Variants in DBH observed in about 807,000 individuals in gnomAD.
DBH encodes dopamine beta-hydroxylase (dopamine beta-monooxygenase).
Under a neutral mutation model 64.0 loss-of-function variants are expected in DBH, and 49 were observed. That is an observed-to-expected ratio of 0.77 (90% CI 0.61 to 0.97). DBH has a LOEUF of 0.97. Among genes scored for constraint, DBH ranks in the 50% least tolerant of loss-of-function variants. The pLI, the probability that DBH is intolerant of heterozygous loss-of-function variation, is 0.00. For missense variants in DBH, 828 were observed against 826.6 expected (o/e 1.00, Z -0.02); for synonymous variants, 343 against 347.1 (o/e 0.99, Z 0.13).
chr9:133,636,780 C>T (rs1832058881), intron 1 of DBH, 70 bp downstream of exon 1: 4 of 1,387,486 alleles, frequency 2.9e-6, no homozygotes, highest in Admixed American at 1.9e-5. Flanking sequence ...CGTCTTTCTG[C>T]ACTCACCCTC....
At position 133,644,211 on chromosome 9, in the gene DBH, C is replaced by G; in HGVS notation, c.922-7C>G. 3.1e-6 allele frequency: 5 copies of G among 1,610,932 alleles called. No homozygotes were observed. Among genetic ancestry groups the G allele is most frequent in the Non-Finnish European group, 4.2e-6 (5 of 1,177,052 alleles). The stretch of plus-strand genomic sequence containing the variant: ...CACCCGTCTGTCTGACACCTTGCCC[C>G]ACACAGGCATTTTACTACCCAGAGG... On this transcript the variant is annotated splice_region_variant and splice_polypyrimidine_tract_variant and intron_variant, in intron 4 of 11. Transcript: ENST00000393056.
At chr9:133,651,122 GC>G (rs1348597363) in intron 6 of DBH, among the ~76,000 whole-genome samples, 2 of 152,242 alleles carry the variant, frequency 1.3e-5, no homozygotes, top group African/African-American at 4.8e-5. Flanking sequence ...TGCAGCCTTG[GC>G]TGCTTTGAAG....
At chr9:133,642,693 C>T (rs944585868) in intron 3 of DBH, among the ~76,000 whole-genome samples, 1 of 152,210 alleles carries the variant, frequency 6.6e-6, no homozygotes, top group Non-Finnish European at 1.5e-5. Flanking sequence ...CACTTCCCTG[C>T]CTGGACCAAA....
At chr9:133,657,361 G>A in intron 11 of DBH, 132 bp downstream of exon 11, 2 of 1,097,320 alleles carry the variant, frequency 1.8e-6, no homozygotes, top group South Asian at 1.3e-5. Flanking sequence ...GCAAGTGCCA[G>A]GTGGTGACAC....
In DBH at chr9:133,657,185, C is replaced by T. The variant is rs1832334164; in HGVS notation, c.1678C>T (p.Pro560Ser). ...DVLKALYSFA[P>S]ISMHCNKSSA... ...ACTGAAGGCCCTGTACAGCTTCGCG[C>T]CCATCTCCATGCACTGCAACAAGTC... The change falls in exon 11 of 12, where the codon CCC becomes TCC. Residue 560 changes from proline (P) to serine (S), a missense_variant. Pro to Ser is a moderately conservative substitution (Grantham distance 74). Transcript: ENST00000393056. 6.2e-7 allele frequency: 1 copy of T among 1,614,162 alleles called. No individual in the cohort carries two copies. Among genetic ancestry groups the T allele is most frequent in the East Asian group, 2.2e-5 (1 of 44,888 alleles).
chr9:133,646,787 G>A (rs978429983), intron 5 of DBH, among the ~76,000 whole-genome samples: 1 of 152,198 alleles, frequency 6.6e-6, no homozygotes, highest in Non-Finnish European at 1.5e-5. Flanking sequence ...GCCTCCCAAA[G>A]TGCTGGGATT....
intron 7 of DBH, among the ~76,000 whole-genome samples, chr9:133,651,982 C>A (rs2131291618): frequency 6.6e-6 from 1 of 152,272 alleles, no homozygotes; most frequent in East Asian, 1.9e-4. Context: ...TGGCACATGG[C>A]AGATGGTGGT....
At position 133,658,689 on chromosome 9, in the gene DBH, C is replaced by A; in HGVS notation, c.*242C>A. The A allele has an allele frequency of 2.4e-6, 1 of 413,234 alleles. No individual in the cohort carries two copies. The highest frequency in any genetic ancestry group is 3.9e-5 in the East Asian group (1 of 25,466). The allele number at this position is 413,234 out of a possible 1,614,324, so 25.6% of individuals were successfully genotyped here. ...TGGACCGAGTGGACCACGACCTCGT[C>A]CATTTAAACCCGGCTGACTCAGTGC... On this transcript the variant is annotated 3_prime_UTR_variant, in exon 12 of 12. Coordinates refer to ENST00000393056, the MANE Select transcript of DBH (RefSeq NM_000787.4).
chr9:133,642,135 G>A, intron 2 of DBH, 72 bp from the exon 3 acceptor site: 1 of 1,593,332 alleles, frequency 6.3e-7, no homozygotes, highest in Non-Finnish European at 8.5e-7. Flanking sequence ...GGGCAGGGAT[G>A]TGGCATCCTC....
At chr9:133,645,243 T>A (rs1832169407) in intron 5 of DBH, among the ~76,000 whole-genome samples, 1 of 39,942 alleles carries the variant, frequency 2.5e-5, no homozygotes, top group South Asian at 4.3e-4. Flanking sequence ...CGCCTGTGGT[T>A]TTTTTTTTTT....
chr9:133,652,831 C>T, intron 8 of DBH, 109 bp from the exon 9 acceptor site: 1 of 786,704 alleles, frequency 1.3e-6, no homozygotes, highest in Non-Finnish European at 2.3e-6. Flanking sequence ...GGGACTGTAC[C>T]CCAGAGGTGC....
chr9:133,637,951 G>A (rs142409785), intron 1 of DBH, among the ~76,000 whole-genome samples: 65 of 152,348 alleles, frequency 4.3e-4, no homozygotes, highest in Middle Eastern at 3.4e-3. Context: ...ATTCTGAGCC[G>A]TCAGCCGTCT....
In DBH at chr9:133,639,878, C is replaced by T; in HGVS notation, c.372C>T (p.His124=). Residue 124 remains histidine, a synonymous_variant, in exon 2 of 12, where the codon CAC becomes CAT. Coordinates refer to ENST00000393056, the MANE Select transcript of DBH (RefSeq NM_000787.4). The part of the protein sequence containing the change: ...DAWSDQKGQI[H]LDPQQDYQLL... ...GGAGTGACCAGAAGGGGCAGATCCA[C>T]CTGGATCCCCAGCAGGACTACCAGC... is the stretch of plus-strand genomic sequence containing the variant. 1.9e-6 allele frequency: 3 copies of T among 1,612,558 alleles called. No individual in the cohort carries two copies. The highest frequency in any genetic ancestry group is 2.5e-6 in the Non-Finnish European group (3 of 1,179,568).
chr9:133,656,521 A>G lies in DBH; in HGVS notation c.1435-2A>G. ...GGCTGACGGGTCTCCTCCAACTTGC[A>G]GGGGGGCTTCGGGATCCTGGAGGAG... On this transcript the variant is annotated splice_acceptor_variant, in intron 9 of 11. Transcript: ENST00000393056. LOFTEE classifies it high-confidence loss of function. The G allele has an allele frequency of 6.2e-7, 1 of 1,613,758 alleles. No homozygotes were observed. Among genetic ancestry groups the G allele is most frequent in the Non-Finnish European group, 8.5e-7 (1 of 1,179,954 alleles).
chr9:133,643,516 G>A lies in DBH; in HGVS notation c.848G>A (p.Cys283Tyr). 1 of 1,613,572 alleles carries A rather than the reference G, an allele frequency of 6.2e-7. No individual in the cohort carries two copies. The highest frequency in any genetic ancestry group is 1.7e-4 in the Middle Eastern group (1 of 6,058). Residue 283 changes from cysteine to tyrosine, a missense_variant, in exon 4 of 12, where the codon TGC becomes TAC. Coordinates refer to ENST00000393056, the MANE Select transcript of DBH (RefSeq NM_000787.4). This position sits in a 1 kb window ranked among gnomAD's most constrained non-coding sequence, Gnocchi z 5.3. ...AGCGTCCCCCACTTCAGCGGGCCCT[G>A]CGACTCCAAGATGAAACCCGACCGC... The part of the protein sequence containing the change: ...MDSVPHFSGP[C>Y]DSKMKPDRLN...
At chr9:133,637,567 G>A (rs1378896025) in intron 1 of DBH, among the ~76,000 whole-genome samples, 2 of 152,238 alleles carry the variant, frequency 1.3e-5, no homozygotes, top group South Asian at 2.1e-4. Context: ...GTCAGGAGGT[G>A]CCTGCTTTAT....
chr9:133,648,335 A>T (rs3025413), intron 6 of DBH, among the ~76,000 whole-genome samples: 10,528 of 152,284 alleles, frequency 0.069, 747 homozygotes, highest in African/African-American at 0.18. Flanking sequence ...TCACAAGCGC[A>T]GGCACTGCAG....
At chr9:133,655,772 C>CCGGGGGAG (rs1263092484) in intron 9 of DBH, 2 of 152,504 alleles carry the variant, frequency 1.3e-5, no homozygotes, top group Non-Finnish European at 2.9e-5. Flanking sequence ...TGAGCTGCTG[C>CCGGGGGAG]CGGGGGAGCT....
intron 6 of DBH, among the ~76,000 whole-genome samples, chr9:133,648,467 C>A (rs1467086005): frequency 6.6e-6 from 1 of 152,222 alleles, no homozygotes; most frequent in African/African-American, 2.4e-5. Context: ...GTGTTAGAAA[C>A]CTTTTGTGTT....
Sources: gnomAD v4.1 joint callset for allele counts (sites outside exome capture counted in the v4.1 genomes callset) on GRCh38, gnomAD v4.1.1 for gene constraint, Gnocchi (gnomAD v3.1) non-coding constraint, MANE v1.5 for transcripts, NCBI Gene and HGNC (gene_info 2026-07-23, HGNC 2026-07-21) for gene names.